Variants in PKIG observed in about 807,000 individuals in gnomAD.
The protein encoded by PKIG is protein kinase (cAMP-dependent, catalytic) inhibitor gamma.
In PKIG, 1 loss-of-function variant was observed where a neutral mutation model predicts 6.8. That is an observed-to-expected ratio of 0.15 (90% CI 0.05 to 0.69). The LOEUF (loss-of-function observed/expected upper bound fraction) is 0.69, where lower values mean the gene tolerates loss of function less well. Ranked by LOEUF, PKIG falls within the 30% of genes least tolerant of loss-of-function variation. The pLI is 0.82. For missense variants in PKIG, 77 were observed against 104.0 expected (o/e 0.74, Z 1.13); for synonymous variants, 39 against 43.0 (o/e 0.91, Z 0.36).
At chr20:44,597,268 C>T (rs1349306855) in intron 2 of PKIG, among the ~76,000 whole-genome samples, 1 of 150,438 alleles carries the variant, frequency 6.6e-6, no homozygotes. Flanking sequence ...GATCCCCCCA[C>T]CTGGCTTTAT....
chr20:44,581,258 G>T (rs1286962008), upstream of PKIG, among the ~76,000 whole-genome samples: 1 of 152,184 alleles, frequency 6.6e-6, no homozygotes, highest in Non-Finnish European at 1.5e-5. Context: ...TCCTAAGGAT[G>T]TTATGAGAAT....
intron 1 of PKIG, among the ~76,000 whole-genome samples, chr20:44,538,165 C>G (rs1217543471): frequency 6.6e-6 from 1 of 152,222 alleles, no homozygotes; most frequent in East Asian, 1.9e-4. Flanking sequence ...AACCTGTAGT[C>G]TCTGTCTACT....
intron 1 of PKIG, among the ~76,000 whole-genome samples, chr20:44,557,656 TA>T (rs3092366): frequency 0.27 from 33,770 of 124,560 alleles, 5,299 homozygotes; most frequent in African/African-American, 0.49. Flanking sequence ...CTGTCTCTAC[TA>T]AAAAAAAAAA....
chr20:44,615,515 A>T (rs1276663895), intron 3 of PKIG, among the ~76,000 whole-genome samples: 1 of 122,720 alleles, frequency 8.1e-6, no homozygotes, highest in Non-Finnish European at 1.7e-5. Context: ...GAACACCCCC[A>T]CCCCCTCCAT....
intron 1 of PKIG, among the ~76,000 whole-genome samples, chr20:44,588,160 T>C (rs901896170): frequency 2.6e-5 from 4 of 152,214 alleles, no homozygotes; most frequent in Non-Finnish European, 5.9e-5. Flanking sequence ...ATTTAGCCAA[T>C]ATTTGTTGAG....
chr20:44,601,297 T>A (rs2065119564), intron 2 of PKIG, among the ~76,000 whole-genome samples: 1 of 152,202 alleles, frequency 6.6e-6, no homozygotes, highest in Non-Finnish European at 1.5e-5. Flanking sequence ...CCTCTCTGCC[T>A]CCAAACAAAG....
rs562168764 is a variant in PKIG at position 44,617,630 on chromosome 20, A to G, written c.152-655A>G. 5.3e-5 allele frequency among the ~76,000 whole-genome samples: 8 copies of G among 152,038 alleles called. No homozygotes were observed. In the South Asian group the frequency reaches 1.5e-3, roughly 28 times the overall value. On this transcript the variant is annotated intron_variant, in intron 3 of 3. Transcript: ENST00000372886. Reference sequence around the variant, plus strand: ...TCACCCCACCAAGATGTCTGACAGGATGGATTTGAGAAGGAGGTACAACAC... The same window carrying G: ...TCACCCCACCAAGATGTCTGACAGGGTGGATTTGAGAAGGAGGTACAACAC...
Position 44,618,589 on chromosome 20 carries a change from C to T in PKIG, c.*225C>T. On this transcript the variant is annotated 3_prime_UTR_variant, in exon 4 of 4. Coordinates refer to ENST00000372886, the MANE Select transcript of PKIG (RefSeq NM_001281445.2). ...ACCACCTTCGCACCGTGCCCAGGTA[C>T]ACTTTCAAGACACTGTAACCACAAG... 4.1e-6 allele frequency: 2 copies of T among 492,258 alleles called. No individual in the cohort carries two copies. 30.5% of individuals were successfully genotyped at this position (492,258 alleles called of 1,614,324 possible). A position where few individuals can be genotyped will look rare whatever the true frequency, so the allele number is the denominator to read the frequency against.
At chr20:44,570,923 A>G (rs1235502513) in intron 1 of PKIG, among the ~76,000 whole-genome samples, 1 of 152,168 alleles carries the variant, frequency 6.6e-6, no homozygotes, top group Non-Finnish European at 1.5e-5. Flanking sequence ...CTAGAAATAA[A>G]AACATGGGAT....
At chr20:44,574,056 C>T (rs2064875642) in intron 1 of PKIG, among the ~76,000 whole-genome samples, 1 of 152,248 alleles carries the variant, frequency 6.6e-6, no homozygotes. Context: ...TATTTTTCTG[C>T]TTTTACTTCT....
chr20:44,544,925 C>CTTTTTTTTTTTTTTTTTTTTTTT (rs796482642), intron 1 of PKIG, among the ~76,000 whole-genome samples: 6 of 64,370 alleles, frequency 9.3e-5, no homozygotes, highest in South Asian at 5.0e-4. Flanking sequence ...TTCCTTCTTT[C>CTTTTTTTTTTTTTTTTTTTTTTT]TTTTTTTTTT....
chr20:44,611,300 C>T lies in PKIG; in HGVS notation c.-23-3234C>T, dbSNP rs546883067. Among the ~76,000 whole-genome samples, 13 of 152,204 alleles carry T rather than the reference C, an allele frequency of 8.5e-5. 1 individual carries two copies. Among genetic ancestry groups the T allele is most frequent in the Admixed American group, 5.2e-4 (8 of 15,282 alleles). ...AACTTCTGACCTCAGGTGAACTACC[C>T]GCCTCGGCCTCCCAAAGTGCTGGGA... On this transcript the variant is annotated intron_variant, in intron 2 of 3. Transcript: ENST00000372886.
intron 3 of PKIG, among the ~76,000 whole-genome samples, chr20:44,616,586 A>G (rs1287857636): frequency 6.6e-6 from 1 of 152,144 alleles, no homozygotes; most frequent in African/African-American, 2.4e-5. Context: ...CAGATTCCCT[A>G]AAGTATGGGT....
chr20:44,593,479 A>C (rs1328791162), intron 2 of PKIG, among the ~76,000 whole-genome samples: 1 of 152,044 alleles, frequency 6.6e-6, no homozygotes, highest in African/African-American at 2.4e-5. Flanking sequence ...CCTGGAGGAC[A>C]TTGTGCTAAG....
chr20:44,562,775 T>G (rs2064779063), intron 1 of PKIG, among the ~76,000 whole-genome samples: 1 of 151,762 alleles, frequency 6.6e-6, no homozygotes. Context: ...AAAAATGGAG[T>G]CATCTGGGCA....
chr20:44,613,392 T>C (rs554278507), intron 2 of PKIG, among the ~76,000 whole-genome samples: 36 of 152,306 alleles, frequency 2.4e-4, no homozygotes, highest in Middle Eastern at 6.8e-3. Flanking sequence ...GGTCTTGATC[T>C]AGAACTACTA....
chr20:44,597,605 T>C (rs1409122302), intron 2 of PKIG, among the ~76,000 whole-genome samples: 1 of 152,234 alleles, frequency 6.6e-6, no homozygotes, highest in Non-Finnish European at 1.5e-5. Context: ...ACAAACTGTC[T>C]TCAACCCATG....
At chr20:44,563,679 G>A (rs1487395648) in intron 1 of PKIG, among the ~76,000 whole-genome samples, 11 of 152,052 alleles carry the variant, frequency 7.2e-5, no homozygotes, top group Non-Finnish European at 1.6e-4. Flanking sequence ...ACAGGCACAT[G>A]CCACCACACC....
intron 2 of PKIG, among the ~76,000 whole-genome samples, chr20:44,610,664 A>G (rs2065210274): frequency 6.6e-6 from 1 of 152,228 alleles, no homozygotes; most frequent in South Asian, 2.1e-4. Context: ...TAGACTTAGA[A>G]AACGAAAGTT....
Sources: allele counts gnomAD v4.1 joint callset (sites outside exome capture counted in the v4.1 genomes callset), GRCh38; gene constraint gnomAD v4.1.1; transcripts MANE v1.5; gene names NCBI Gene and HGNC (gene_info 2026-07-23, HGNC 2026-07-21).